The following LRRC8A variants were observed in gnomAD, a reference collection of about 807,000 sequenced individuals.
LRRC8A encodes leucine rich repeat containing 8 VRAC subunit A.
LRRC8A carries 24 observed loss-of-function variants against 52.5 expected under a neutral mutation model. The observed-to-expected ratio is 0.46, with a 90% CI of 0.33 to 0.64. LRRC8A has a LOEUF of 0.64. Among genes scored for constraint, LRRC8A ranks in the 30% least tolerant of loss-of-function variants. The pLI is 0.02. For synonymous variants in LRRC8A, 492 were observed against 494.2 expected (o/e 1.00, Z 0.06); for missense variants, 677 against 1,094.7 (o/e 0.62, Z 5.38).
chr9:128,900,270 C>G (rs1839975427), intron 2 of LRRC8A, among the ~76,000 whole-genome samples: 1 of 152,238 alleles, frequency 6.6e-6, no homozygotes, highest in Non-Finnish European at 1.5e-5. Context: ...TTCAGGTGCT[C>G]TCTGGGAGAG....
chr9:128,910,184 CA>C (rs1301838415), intron 3 of LRRC8A, among the ~76,000 whole-genome samples: 12 of 152,308 alleles, frequency 7.9e-5, no homozygotes, highest in South Asian at 2.1e-4. Context: ...GTCCCTCTTC[CA>C]CCCGTCCTGG....
chr9:128,907,793 C>G lies in LRRC8A; in HGVS notation c.629C>G (p.Pro210Arg), dbSNP rs1462745097. 6.2e-7 allele frequency: 1 copy of G among 1,613,976 alleles called. No individual in the cohort carries two copies. Among genetic ancestry groups the G allele is most frequent in the Admixed American group, 1.7e-5 (1 of 59,988 alleles). ...AGTGAGGACGTGGAGGCCACCGTGC[C>G]CATGCTGCAGCGGACCAAGTCACGG... ...TVSEDVEATV[P>R]MLQRTKSRIE... The change falls in exon 3 of 4, where the codon CCC becomes CGC. Residue 210 changes from proline (P) to arginine (R), a missense_variant. Physicochemically the swap from Pro to Arg is moderately radical, Grantham distance 103 (BLOSUM62 -2). Coordinates refer to ENST00000372600, the MANE Select transcript of LRRC8A (RefSeq NM_019594.4). The surrounding 1 kb of genome is among the most constrained non-coding windows in gnomAD (Gnocchi z 9.3).
intron 1 of LRRC8A, chr9:128,882,800 G>A: frequency 2.5e-6 from 1 of 398,790 alleles, no homozygotes; most frequent in Non-Finnish European, 4.4e-6. Flanking sequence ...GGATATTTGG[G>A]AAGACCGGTC....
In LRRC8A at chr9:128,898,564, T is replaced by C. The variant is rs181839197; in HGVS notation, c.-8-8593T>C. ...CAGGGCTGGGCCAGGCCTATTTTGC[T>C]CTCCACTTCCTGTTCACATCCACCC... On this transcript the variant is annotated intron_variant, in intron 2 of 3. Transcript: ENST00000372600. 7.9e-4 allele frequency among the ~76,000 whole-genome samples: 121 copies of C among 152,334 alleles called. 1 individual carries two copies. Among genetic ancestry groups the C allele is most frequent in the South Asian group, 6.2e-4 (3 of 4,832 alleles).
Position 128,907,609 on chromosome 9 carries a change from A to G in LRRC8A, c.445A>G (p.Thr149Ala). 6.2e-7 allele frequency: 1 copy of G among 1,614,090 alleles called. No individual in the cohort carries two copies. The highest frequency in any genetic ancestry group is 8.5e-7 in the Non-Finnish European group (1 of 1,180,022). ...CAACTTCTGGTTCAAATTCCCGCGC[A>G]CCAGCTCGAAGCTGGAGCACTTTGT... ...CSNFWFKFPR[T>A]SSKLEHFVSI... The change falls in exon 3 of 4, where the codon ACC becomes GCC. Residue 149 changes from threonine to alanine, a missense_variant. Thr to Ala is a moderately conservative substitution (Grantham distance 58, BLOSUM62 0). This residue lies in a region of LRRC8A where 422 missense variants were observed against 741.5 expected (regional missense o/e 0.57). Transcript: ENST00000372600. This position sits in a 1 kb window ranked among gnomAD's most constrained non-coding sequence, Gnocchi z 9.3.
Position 128,899,062 on chromosome 9 carries a change from G to A in LRRC8A, c.-8-8095G>A, listed in dbSNP as rs1002545359. 3.9e-5 allele frequency among the ~76,000 whole-genome samples: 6 copies of A among 152,236 alleles called. No individual in the cohort carries two copies. In the South Asian group the frequency reaches 1.0e-3, roughly 26 times the overall value. ...CACAGCCCAGCAGTCTGACGCGGGGGTGGGCAGCTGAGGGGGAAGGAGGAG... is the reference window on the plus strand; with the variant it reads ...CACAGCCCAGCAGTCTGACGCGGGGATGGGCAGCTGAGGGGGAAGGAGGAG... On this transcript the variant is annotated intron_variant, in intron 2 of 3. Transcript: ENST00000372600. This position sits in a 1 kb window ranked among gnomAD's most constrained non-coding sequence, Gnocchi z 4.0.
intron 2 of LRRC8A, among the ~76,000 whole-genome samples, chr9:128,893,644 C>T (rs79343767): frequency 0.022 from 3,390 of 152,084 alleles, 129 homozygotes; most frequent in African/African-American, 0.076. Flanking sequence ...TTCTAATGTA[C>T]GGATGGCAGC....
At chr9:128,896,670 A>T (rs558828830) in intron 2 of LRRC8A, among the ~76,000 whole-genome samples, 1 of 151,984 alleles carries the variant, frequency 6.6e-6, no homozygotes, top group African/African-American at 2.4e-5. Context: ...TGTCTTATTT[A>T]TGCAGGATTT....
chr9:128,905,098 A>G (rs1026251775), intron 2 of LRRC8A, among the ~76,000 whole-genome samples: 5 of 151,574 alleles, frequency 3.3e-5, no homozygotes, highest in African/African-American at 1.2e-4. Context: ...TTGCTTGACC[A>G]GGAGGTTGAG....
intron 2 of LRRC8A, among the ~76,000 whole-genome samples, chr9:128,904,069 C>G (rs771142817): frequency 1.3e-5 from 2 of 151,696 alleles, no homozygotes; most frequent in Non-Finnish European, 2.9e-5. Flanking sequence ...TGGTTATTAA[C>G]ATTATCAGTA....
At chr9:128,890,210 G>T (rs943844073) in intron 2 of LRRC8A, among the ~76,000 whole-genome samples, 3 of 148,888 alleles carry the variant, frequency 2.0e-5, no homozygotes, top group Admixed American at 1.4e-4. Flanking sequence ...CCTCAAGGAC[G>T]TGTGGGGCTG....
At chr9:128,913,736 G>A (rs1300799447) in intron 3 of LRRC8A, among the ~76,000 whole-genome samples, 2 of 152,160 alleles carry the variant, frequency 1.3e-5, no homozygotes, top group African/African-American at 4.8e-5. Context: ...CACGGGGTGG[G>A]AGTGGGGTCT....
intron 3 of LRRC8A, among the ~76,000 whole-genome samples, chr9:128,913,280 G>C (rs1040303020): frequency 1.3e-5 from 2 of 152,190 alleles, no homozygotes; most frequent in Non-Finnish European, 2.9e-5. Context: ...TGGTCAGGAA[G>C]GCCAGAGAGC....
chr9:128,912,036 G>C (rs1840566105), intron 3 of LRRC8A, among the ~76,000 whole-genome samples: 1 of 152,246 alleles, frequency 6.6e-6, no homozygotes, highest in South Asian at 2.1e-4. Flanking sequence ...GCCTTGACAA[G>C]ACAGTATTCA....
chr9:128,894,483 CAA>C (rs563089026), intron 2 of LRRC8A, among the ~76,000 whole-genome samples: 1 of 136,296 alleles, frequency 7.3e-6, no homozygotes, highest in African/African-American at 2.7e-5. Context: ...GACTCCATCT[CAA>C]AAAAAAAAAA....
Position 128,909,044 on chromosome 9 carries a change from A to C in LRRC8A, c.1880A>C (p.Lys627Thr). Residue 627 changes from lysine (K) to threonine (T), a missense_variant, in exon 3 of 4, where the codon AAG becomes ACG. Physicochemically the swap from Lys to Thr is moderately conservative, Grantham distance 78. Transcript: ENST00000372600. ...ATTGACCTCAAGGACAACAACCTCA[A>C]GACCATCGAGGAGATCATCAGCTTC... ...QEIDLKDNNL[K>T]TIEEIISFQH... The C allele has an allele frequency of 6.2e-7, 1 of 1,614,182 alleles. No homozygotes were observed. The highest frequency in any genetic ancestry group is 8.5e-7 in the Non-Finnish European group (1 of 1,180,040).
intron 3 of LRRC8A, among the ~76,000 whole-genome samples, chr9:128,914,304 C>T (rs1840706543): frequency 6.6e-6 from 1 of 151,682 alleles, no homozygotes; most frequent in African/African-American, 2.4e-5. Context: ...AACTCCTGGG[C>T]CCTTCTCTAA....
At chr9:128,888,830 C>T (rs1839496166) in intron 2 of LRRC8A, among the ~76,000 whole-genome samples, 2 of 152,026 alleles carry the variant, frequency 1.3e-5, no homozygotes, top group South Asian at 4.2e-4. Flanking sequence ...TCTCTTTTCT[C>T]TCCCATACAC....
In LRRC8A at chr9:128,916,003, T is replaced by C. The variant is rs150808591; in HGVS notation, c.2158-93T>C. 5.5e-6 allele frequency: 8 copies of C among 1,443,652 alleles called. No individual in the cohort carries two copies. In the Admixed American group the frequency reaches 1.7e-4, roughly 30 times the overall value. The allele number at this position is 1,443,652 out of a possible 1,614,324, so 89.4% of individuals were successfully genotyped here. A position where few individuals can be genotyped will look rare whatever the true frequency, so the allele number is the denominator to read the frequency against. Reference sequence around the variant, plus strand: ...CTGGGGGCCTGGGGATCAGAAAAGATGCTGAGATCTTGGGGAGAGAGGGAA... The same window carrying C: ...CTGGGGGCCTGGGGATCAGAAAAGACGCTGAGATCTTGGGGAGAGAGGGAA... On this transcript the variant is annotated intron_variant, in intron 3 of 3. Coordinates refer to ENST00000372600, the MANE Select transcript of LRRC8A (RefSeq NM_019594.4). This position sits in a 1 kb window ranked among gnomAD's most constrained non-coding sequence, Gnocchi z 6.1.
Sources: gnomAD v4.1 joint callset for allele counts (sites outside exome capture counted in the v4.1 genomes callset) on GRCh38, gnomAD v4.1.1 for gene constraint, gnomAD v4.1.1 regional missense constraint, Gnocchi (gnomAD v3.1) non-coding constraint, MANE v1.5 for transcripts, NCBI Gene and HGNC (gene_info 2026-07-23, HGNC 2026-07-21) for gene names.